Variants in RFX3 observed in about 807,000 individuals in gnomAD.
RFX3 encodes regulatory factor X3.
RFX3 carries 14 observed loss-of-function variants against 98.6 expected under a neutral mutation model. The observed-to-expected ratio is 0.14, with a 90% CI of 0.09 to 0.22. The LOEUF is 0.22. Among genes scored for constraint, RFX3 ranks in the 10% least tolerant of loss-of-function variants. The pLI, the probability that RFX3 is intolerant of heterozygous loss-of-function variation, is 1.00. For synonymous variants in RFX3, 383 were observed against 328.4 expected (o/e 1.17, Z -1.80); for missense variants, 639 against 926.9 (o/e 0.69, Z 4.03).
rs375489257 is a variant in RFX3 at position 3,262,956 on chromosome 9, A to C, written c.1584T>G (p.Arg528=). The change falls in exon 13 of 17, where the codon CGT becomes CGG. Residue 528 remains arginine, a synonymous_variant. Coordinates refer to ENST00000617270, the MANE Select transcript of RFX3 (RefSeq NM_001282116.2). ...ATACCTGGACATTGGCAAAGTCGAC[A>C]CGGTTGAGGTCACTAAGCATCTGGT... ...QINQMLSDLN[R]VDFANVQEQA... The C allele has an allele frequency of 1.0e-4, 169 of 1,613,548 alleles. No homozygotes were observed. The highest frequency in any genetic ancestry group is 3.3e-4 in the Middle Eastern group (2 of 6,074).
intron 5 of RFX3, among the ~76,000 whole-genome samples, chr9:3,295,127 G>C (rs1241055359): frequency 2.0e-5 from 3 of 151,902 alleles, no homozygotes; most frequent in Non-Finnish European, 2.9e-5. Flanking sequence ...GTATAAAAGA[G>C]ATAAGGCAGT....
At chr9:3,365,199 C>T (rs780204128) in intron 2 of RFX3, among the ~76,000 whole-genome samples, 5 of 150,676 alleles carry the variant, frequency 3.3e-5, no homozygotes, top group Non-Finnish European at 7.4e-5. Flanking sequence ...ACTCAGGAGG[C>T]TGAGGCAGGG....
intron 6 of RFX3, 43 bp downstream of exon 6, chr9:3,293,034 G>C (rs761704781): frequency 2.0e-6 from 3 of 1,482,874 alleles, no homozygotes; most frequent in Non-Finnish European, 2.8e-6. Flanking sequence ...GCCCTAGTTT[G>C]AAAAAGAGAG....
chr9:3,387,701 C>T (rs1839868517), intron 2 of RFX3, among the ~76,000 whole-genome samples: 1 of 151,824 alleles, frequency 6.6e-6, no homozygotes, highest in Non-Finnish European at 1.5e-5. Context: ...ATGTCTGCCA[C>T]AGTCTTAATT....
chr9:3,348,288 GTGTACTTAGTAT>G (rs1169616227), intron 2 of RFX3, among the ~76,000 whole-genome samples: 1 of 152,052 alleles, frequency 6.6e-6, no homozygotes, highest in Non-Finnish European at 1.5e-5. Flanking sequence ...TTTAAAAGTT[GTGTACTTAGTAT>G]TGTACCATAT....
chr9:3,519,646 T>C (rs925903739), intron 1 of RFX3, among the ~76,000 whole-genome samples: 14 of 152,164 alleles, frequency 9.2e-5, no homozygotes, highest in Non-Finnish European at 1.8e-4. Flanking sequence ...AGGTAATAAC[T>C]TGTCCAAAGT....
intron 7 of RFX3, among the ~76,000 whole-genome samples, chr9:3,284,156 C>T (rs16916437): frequency 0.058 from 8,750 of 151,744 alleles, 826 homozygotes; most frequent in African/African-American, 0.2. Context: ...AGAATGGCTA[C>T]TGGGATCAAA....
At position 3,228,904 on chromosome 9, in the gene RFX3, T is replaced by C; in HGVS notation, c.1969-15A>G. The C allele has an allele frequency of 1.2e-6, 2 of 1,608,476 alleles. No homozygotes were observed. The highest frequency in any genetic ancestry group is 1.7e-6 in the Non-Finnish European group (2 of 1,177,168). On this transcript the variant is annotated splice_polypyrimidine_tract_variant and intron_variant, in intron 15 of 16. Transcript: ENST00000617270. Reference sequence around the variant, plus strand: ...AAATCACCAAACTGCAAAACAATAGTCATTTGTGCAATAGTTAATATAGGG... The same window carrying C: ...AAATCACCAAACTGCAAAACAATAGCCATTTGTGCAATAGTTAATATAGGG...
chr9:3,277,828 G>A (rs900140168), intron 7 of RFX3, among the ~76,000 whole-genome samples: 1 of 151,896 alleles, frequency 6.6e-6, no homozygotes, highest in Non-Finnish European at 1.5e-5. Flanking sequence ...ACTTTAATCT[G>A]AACAATGATC....
chr9:3,405,803 T>G (rs1841907285), intron 1 of RFX3, among the ~76,000 whole-genome samples: 1 of 152,162 alleles, frequency 6.6e-6, no homozygotes, highest in Non-Finnish European at 1.5e-5. Context: ...AGGTTCTCAG[T>G]GCCCTCAGGA....
intron 7 of RFX3, among the ~76,000 whole-genome samples, chr9:3,285,018 A>G (rs1826396173): frequency 6.6e-6 from 1 of 151,832 alleles, no homozygotes; most frequent in South Asian, 2.1e-4. Flanking sequence ...ATTGTGAGCT[A>G]TATAAAAACA....
intron 1 of RFX3, among the ~76,000 whole-genome samples, chr9:3,425,673 G>A (rs1045797857): frequency 6.6e-6 from 1 of 152,120 alleles, no homozygotes; most frequent in South Asian, 2.1e-4. Flanking sequence ...GGATGTATAA[G>A]TCAATGTATT....
intron 1 of RFX3, among the ~76,000 whole-genome samples, chr9:3,463,784 G>T (rs565839379): frequency 6.6e-6 from 1 of 151,830 alleles, no homozygotes; most frequent in South Asian, 2.1e-4. Flanking sequence ...CAGCCTGGGC[G>T]ACATAGGGAG....
rs185346459 is a variant in RFX3, at chr9:3,374,762, A to T, written c.117+20710T>A. 5.9e-3 allele frequency among the ~76,000 whole-genome samples: 902 copies of T among 152,212 alleles called. 4 individuals carry two copies. The highest frequency in any genetic ancestry group is 0.021 in the African/African-American group (851 of 41,510). ...TTGCAAGATGAAAAGAATCCTGGAG[A>T]CTGGTTGCACAACAATGTGAATGTA... On this transcript the variant is annotated intron_variant, in intron 2 of 16. Coordinates refer to ENST00000617270, the MANE Select transcript of RFX3 (RefSeq NM_001282116.2).
intron 2 of RFX3, among the ~76,000 whole-genome samples, chr9:3,378,052 A>G (rs888606733): frequency 1.1e-4 from 17 of 152,356 alleles, no homozygotes; most frequent in African/African-American, 4.1e-4. Flanking sequence ...TATCCTGTTC[A>G]TTGAGGCAAC....
At chr9:3,482,128 G>A (rs535283012) in intron 1 of RFX3, among the ~76,000 whole-genome samples, 5 of 151,816 alleles carry the variant, frequency 3.3e-5, no homozygotes, top group Admixed American at 2.6e-4. Context: ...AAATGTCTAC[G>A]TAGAGAATTG....
chr9:3,322,774 T>C (rs1323133351), intron 4 of RFX3, among the ~76,000 whole-genome samples: 7 of 152,174 alleles, frequency 4.6e-5, no homozygotes, highest in Admixed American at 1.3e-4. Context: ...TAAAATGTCT[T>C]ATTAGTTGTT....
At chr9:3,257,472 T>C (rs1822288786) in intron 13 of RFX3, among the ~76,000 whole-genome samples, 1 of 152,216 alleles carries the variant, frequency 6.6e-6, no homozygotes, top group Non-Finnish European at 1.5e-5. Context: ...AACTAGTCTG[T>C]GTAAAAGACT....
chr9:3,339,390 A>C (rs1833599567), intron 3 of RFX3, among the ~76,000 whole-genome samples: 1 of 150,356 alleles, frequency 6.7e-6, no homozygotes, highest in Admixed American at 6.6e-5. Flanking sequence ...ATAAACAAGA[A>C]AAACCGAGTA....
Sources: allele counts gnomAD v4.1 joint callset (sites outside exome capture counted in the v4.1 genomes callset), GRCh38; gene constraint gnomAD v4.1.1; transcripts MANE v1.5; gene names NCBI Gene and HGNC (gene_info 2026-07-23, HGNC 2026-07-21).